TANC1: variants seen among roughly 807,000 people sequenced by gnomAD.
TANC1 encodes tetratricopeptide repeat, ankyrin repeat and coiled-coil containing 1.
In TANC1, 77 loss-of-function variants were observed where a neutral mutation model predicts 149.7. The observed-to-expected ratio is 0.51, with a 90% CI of 0.43 to 0.62. The LOEUF is 0.62. Ranked by LOEUF, TANC1 falls within the 20% of genes least tolerant of loss-of-function variation. TANC1 has a pLI of 0.00. For synonymous variants in TANC1, 854 were observed against 925.0 expected (o/e 0.92, Z 1.39); for missense variants, 1,985 against 2,321.8 (o/e 0.85, Z 2.98).
In TANC1 at chr2:159,136,047, T is replaced by TGCGC. The variant is rs1553568359; in HGVS notation, c.260-146_260-145insCGCG. On this transcript the variant is annotated intron_variant, in intron 4 of 26. Coordinates refer to ENST00000263635, the MANE Select transcript of TANC1 (RefSeq NM_033394.3). Reference sequence around the variant, plus strand: ...GTGTGTGTGTGTGTGTGTGTGTGTGTGTGCGCGCGCGCGCGTTTAAGGGAG... The same window carrying TGCGC: ...GTGTGTGTGTGTGTGTGTGTGTGTGTGCGCGTGCGCGCGCGCGCGTTTAAGGGAG... The TGCGC allele has an allele frequency of 1.2e-4, 25 of 211,278 alleles. 4 individuals are homozygous for TGCGC. Among genetic ancestry groups the TGCGC allele is most frequent in the South Asian group, 3.7e-4 (10 of 26,738 alleles). The allele number at this position is 211,278 out of a possible 1,614,324, so 13.1% of individuals were successfully genotyped here.
intron 2 of TANC1, among the ~76,000 whole-genome samples, chr2:159,033,280 C>T (rs1178722894): frequency 6.6e-6 from 1 of 152,108 alleles, no homozygotes; most frequent in Non-Finnish European, 1.5e-5. Context: ...AAGTAAGTGG[C>T]CATGGATGAA....
At chr2:159,218,529 C>T (rs1209063174) in intron 20 of TANC1, among the ~76,000 whole-genome samples, 1 of 152,200 alleles carries the variant, frequency 6.6e-6, no homozygotes, top group Non-Finnish European at 1.5e-5. Flanking sequence ...GTGTTGCCTC[C>T]TGTTGCTGCG....
intron 14 of TANC1, among the ~76,000 whole-genome samples, chr2:159,184,941 C>G (rs1198159756): frequency 1.3e-5 from 2 of 152,142 alleles, no homozygotes; most frequent in South Asian, 2.1e-4. Flanking sequence ...AGGCATGCAC[C>G]TGGAAAGACA....
rs72359866 is a variant in TANC1, at chr2:158,972,095, AAG to A, written c.-126+3318_-126+3319del. Among the ~76,000 whole-genome samples, 1,273 of 152,326 alleles carry A rather than the reference AAG, an allele frequency of 8.4e-3. 9 individuals carry two copies. Among genetic ancestry groups the A allele is most frequent in the Non-Finnish European group, 0.011 (731 of 68,028 alleles). ...ATAATGGTAATAAAACTTTCTCCTCAAGAGAGTTTCAGAAAGTCACATGCTTC... is the reference window on the plus strand; with the variant it reads ...ATAATGGTAATAAAACTTTCTCCTCAAGAGTTTCAGAAAGTCACATGCTTC... On this transcript the variant is annotated intron_variant, in intron 1 of 26. Coordinates refer to ENST00000263635, the MANE Select transcript of TANC1 (RefSeq NM_033394.3).
intron 3 of TANC1, among the ~76,000 whole-genome samples, chr2:159,076,625 C>T (rs1334199352): frequency 1.3e-5 from 2 of 152,130 alleles, no homozygotes; most frequent in Non-Finnish European, 2.9e-5. Context: ...GCTGCATGCT[C>T]TTAGATTATT....
chr2:159,197,638 C>G (rs2057960732), intron 18 of TANC1, among the ~76,000 whole-genome samples: 1 of 151,728 alleles, frequency 6.6e-6, no homozygotes, highest in Admixed American at 6.6e-5. Context: ...CAGAGAGATA[C>G]TGTTAAACAC....
intron 5 of TANC1, among the ~76,000 whole-genome samples, chr2:159,136,993 G>T (rs1407390745): frequency 6.6e-6 from 1 of 152,104 alleles, no homozygotes; most frequent in African/African-American, 2.4e-5. Context: ...CATCTCTCTT[G>T]CCTTTAATTT....
chr2:159,167,522 T>A (rs1363437688), intron 8 of TANC1, among the ~76,000 whole-genome samples: 1 of 152,246 alleles, frequency 6.6e-6, no homozygotes, highest in Non-Finnish European at 1.5e-5. Flanking sequence ...TAGCTGAGTC[T>A]TTCTAATGGG....
chr2:159,024,645 G>T (rs554861527), intron 2 of TANC1, among the ~76,000 whole-genome samples: 2 of 152,130 alleles, frequency 1.3e-5, no homozygotes, highest in Admixed American at 1.3e-4. Context: ...CAGCTACTCA[G>T]GAGGCTGAGG....
chr2:159,171,386 C>T (rs2055187689), intron 10 of TANC1, among the ~76,000 whole-genome samples: 1 of 152,176 alleles, frequency 6.6e-6, no homozygotes, highest in South Asian at 2.1e-4. Flanking sequence ...AATACCAACA[C>T]TTTGGAAGGC....
intron 4 of TANC1, among the ~76,000 whole-genome samples, chr2:159,117,584 G>A (rs1219603892): frequency 3.3e-5 from 5 of 151,856 alleles, no homozygotes; most frequent in African/African-American, 1.2e-4. Flanking sequence ...TTTTAATAGA[G>A]ACGGGGTTTC....
At chr2:158,979,834 G>A (rs2034097121) in intron 1 of TANC1, among the ~76,000 whole-genome samples, 1 of 152,320 alleles carries the variant, frequency 6.6e-6, no homozygotes, top group African/African-American at 2.4e-5. Context: ...AAGAACTTTT[G>A]CAGTGGGATT....
chr2:159,146,524 G>GTATCCC (rs2052107717), intron 5 of TANC1, among the ~76,000 whole-genome samples: 3 of 148,398 alleles, frequency 2.0e-5, no homozygotes, highest in Admixed American at 7.0e-5. Flanking sequence ...ATGAATTTGG[G>GTATCCC]TGTCCCTTTT....
chr2:159,130,597 GT>G (rs1287931281), intron 4 of TANC1, among the ~76,000 whole-genome samples: 3 of 152,218 alleles, frequency 2.0e-5, no homozygotes, highest in African/African-American at 7.2e-5. Context: ...CAGTTGTTCT[GT>G]AGCCGCAGCC....
rs1013825539 is a variant in TANC1 at position 159,001,463 on chromosome 2, C to A, written c.-16+274C>A. The stretch of plus-strand genomic sequence containing the variant: ...GATGGTGCTGATGGTTGCAGAAGGA[C>A]GTGCTTAGTGCTACTGAACTATATA... On this transcript the variant is annotated intron_variant, in intron 2 of 26. Coordinates refer to ENST00000263635, the MANE Select transcript of TANC1 (RefSeq NM_033394.3). This position sits in a 1 kb window ranked among gnomAD's most constrained non-coding sequence, Gnocchi z 4.3. Among the ~76,000 whole-genome samples the A allele has an allele frequency of 6.6e-6, 1 of 152,050 alleles. No homozygotes were observed. Among genetic ancestry groups the A allele is most frequent in the Admixed American group, 6.6e-5 (1 of 15,264 alleles).
Position 159,217,587 on chromosome 2 carries a change from G to A in TANC1, c.3335G>A (p.Gly1112Glu), listed in dbSNP as rs1482100849. Residue 1112 changes from glycine (G) to glutamate (E), a missense_variant, in exon 20 of 27, where the codon GGG (glycine) becomes GAG (glutamate). Physicochemically the swap from Gly to Glu is moderately conservative, Grantham distance 98. Coordinates refer to ENST00000263635, the MANE Select transcript of TANC1 (RefSeq NM_033394.3). ...GCTGTGTCGCGGACAAACAGGAGAGGGGTTCCACCTTTGTTTTGTGCAGCA... is the reference window on the plus strand; with the variant it reads ...GCTGTGTCGCGGACAAACAGGAGAGAGGTTCCACCTTTGTTTTGTGCAGCA... Reference protein sequence around the residue: ...GAAVSRTNRRGVPPLFCAARQ... With the variant: ...GAAVSRTNRREVPPLFCAARQ... The A allele has an allele frequency of 6.2e-7, 1 of 1,614,220 alleles. No homozygotes were observed. The highest frequency in any genetic ancestry group is 1.7e-5 in the Admixed American group (1 of 60,024).
chr2:159,060,203 T>TCTTAACTAAGGTACA, intron 2 of TANC1: 1 of 315,828 alleles, frequency 3.2e-6, no homozygotes, highest in Non-Finnish European at 4.6e-6. Flanking sequence ...AAGAAAAATG[T>TCTTAACTAAGGTACA]CTTAATTAAG....
intron 3 of TANC1, among the ~76,000 whole-genome samples, chr2:159,089,252 T>G (rs1036439471): frequency 6.6e-6 from 1 of 152,254 alleles, no homozygotes; most frequent in Admixed American, 6.5e-5. Context: ...TTTCCTTTTC[T>G]GGCAGTCTCT....
At chr2:159,129,338 C>T (rs1029848605) in intron 4 of TANC1, among the ~76,000 whole-genome samples, 6 of 152,134 alleles carry the variant, frequency 3.9e-5, no homozygotes, top group South Asian at 2.1e-4. Flanking sequence ...AGTTTCTAAG[C>T]AGCAAAATAG....
Sources: gnomAD v4.1 joint callset for allele counts (sites outside exome capture counted in the v4.1 genomes callset) on GRCh38, gnomAD v4.1.1 for gene constraint, Gnocchi (gnomAD v3.1) non-coding constraint, MANE v1.5 for transcripts, NCBI Gene and HGNC (gene_info 2026-07-23, HGNC 2026-07-21) for gene names.